The following TAF4 variants were observed in gnomAD, a reference collection of about 807,000 sequenced individuals.
The protein encoded by TAF4 is TATA-box binding protein associated factor 4.
Under a neutral mutation model 90.3 loss-of-function variants are expected in TAF4, and 9 were observed. The observed-to-expected ratio is 0.10, with a 90% confidence interval of 0.06 to 0.17. The LOEUF (loss-of-function observed/expected upper bound fraction) is 0.17, where lower values mean the gene tolerates loss of function less well. TAF4 is among the 10% of genes least tolerant of loss of function. TAF4 has a pLI of 1.00. For missense variants in TAF4, 1,351 were observed against 1,370.7 expected, an observed-to-expected ratio of 0.99 and a Z score of 0.23; for synonymous variants, 818 against 638.9, an observed-to-expected ratio of 1.28 and a Z score of -4.23.
chr20:62,001,461 G>A (rs6061948), intron 9 of TAF4, among the ~76,000 whole-genome samples: 1 of 152,226 alleles, frequency 6.6e-6, no homozygotes, highest in African/African-American at 2.4e-5. Flanking sequence ...CGGCCCCCTC[G>A]TGAGGAGATG....
chr20:61,988,417 A>C (rs1410919090), intron 14 of TAF4, among the ~76,000 whole-genome samples: 1 of 152,214 alleles, frequency 6.6e-6, no homozygotes, highest in Non-Finnish European at 1.5e-5. Flanking sequence ...AAATCAAATA[A>C]GGTCTTCAAT....
rs2123150928 is a variant in TAF4, at chr20:62,014,547, C to T, written c.1521G>A (p.Gln507=). The change falls in exon 2 of 15, where the codon CAG becomes CAA. Residue 507 remains glutamine (Q), a splice_region_variant and synonymous_variant. Coordinates refer to ENST00000252996, the MANE Select transcript of TAF4 (RefSeq NM_003185.4). ...CACTCCAGGGCACACGTGCACTCAC[C>T]TGTACGGTGGAGATCTGGACGGGAG... ...SAPPVQISTV[Q]APGTPIIARQ... The T allele has an allele frequency of 1.2e-6, 2 of 1,611,624 alleles. No individual in the cohort carries two copies. Among genetic ancestry groups the T allele is most frequent in the Non-Finnish European group, 1.7e-6 (2 of 1,179,134 alleles).
At position 62,065,714 on chromosome 20, in the gene TAF4, G is replaced by T; in HGVS notation, c.97C>A (p.Leu33Met). ...TGGTGGTGGGCCGCGCTGGCCGCCA[G>T]CTGCGACTCCAGCGAGCCCACCAGG... ...SDLVGSLESQ[L>M]AASAAHHHHL... is the part of the protein sequence containing the mutation. The change falls in exon 1 of 15, where the codon CTG (leucine) becomes ATG (methionine). Residue 33 changes from leucine (L) to methionine (M), a missense_variant. Around this residue, in one of 9 missense-constraint regions of TAF4, gnomAD observed 782 missense variants for 536.6 expected, o/e 1.46. Coordinates refer to ENST00000252996, the MANE Select transcript of TAF4 (RefSeq NM_003185.4). 1 of 1,290,654 alleles carries T rather than the reference G, an allele frequency of 7.7e-7. No individual in the cohort carries two copies. Among genetic ancestry groups the T allele is most frequent in the Non-Finnish European group, 1.0e-6 (1 of 999,970 alleles). 80.0% of individuals were successfully genotyped at this position (1,290,654 alleles called of 1,614,324 possible).
intron 1 of TAF4, among the ~76,000 whole-genome samples, chr20:62,016,622 T>C (rs1037521795): frequency 6.6e-6 from 1 of 152,222 alleles, no homozygotes; most frequent in Non-Finnish European, 1.5e-5. Context: ...TCCCTACTTT[T>C]GAGATCTGGG....
At chr20:62,032,763 G>T (rs905615334) in intron 1 of TAF4, among the ~76,000 whole-genome samples, 1 of 152,196 alleles carries the variant, frequency 6.6e-6, no homozygotes, top group African/African-American at 2.4e-5. Context: ...ACATTGGCAG[G>T]GAGACAGCAA....
chr20:62,042,219 A>C (rs1410976749), intron 1 of TAF4, among the ~76,000 whole-genome samples: 1 of 152,154 alleles, frequency 6.6e-6, no homozygotes, highest in African/African-American at 2.4e-5. Flanking sequence ...GGAGCGTCTG[A>C]ATGTCGAGAG....
At chr20:62,055,115 T>C (rs2056052950) in intron 1 of TAF4, among the ~76,000 whole-genome samples, 1 of 152,226 alleles carries the variant, frequency 6.6e-6, no homozygotes, top group African/African-American at 2.4e-5. Context: ...TTCCAGCCAC[T>C]GAGGCACTTG....
intron 9 of TAF4, 27 bp from the exon 10 acceptor site, chr20:62,000,748 T>A: frequency 6.2e-7 from 1 of 1,613,386 alleles, no homozygotes; most frequent in Non-Finnish European, 8.5e-7. Flanking sequence ...AAGATCACTT[T>A]AACTGTACAA....
chr20:62,025,766 GCTGT>G (rs1246860202), intron 1 of TAF4, among the ~76,000 whole-genome samples: 12 of 152,076 alleles, frequency 7.9e-5, no homozygotes, highest in Admixed American at 7.9e-4. Context: ...AGACTACTAC[GCTGT>G]CTGACTGCAT....
intron 1 of TAF4, among the ~76,000 whole-genome samples, chr20:62,027,764 T>C (rs1035873944): frequency 6.6e-6 from 1 of 152,240 alleles, no homozygotes; most frequent in African/African-American, 2.4e-5. Flanking sequence ...CAAGAGGTGT[T>C]TATGCAACAC....
chr20:62,025,402 G>A (rs1395663570), intron 1 of TAF4, among the ~76,000 whole-genome samples: 1 of 152,222 alleles, frequency 6.6e-6, no homozygotes, highest in Admixed American at 6.5e-5. Flanking sequence ...CCGAGTTGAA[G>A]CCAGAAAAGA....
At chr20:61,993,021 C>T (rs774841511) in intron 14 of TAF4, among the ~76,000 whole-genome samples, 4 of 152,198 alleles carry the variant, frequency 2.6e-5, no homozygotes, top group Non-Finnish European at 5.9e-5. Context: ...GATCCATTAT[C>T]TTCACCTGGA....
intron 14 of TAF4, among the ~76,000 whole-genome samples, chr20:61,996,628 G>A (rs1025501126): frequency 1.1e-4 from 16 of 151,448 alleles, no homozygotes; most frequent in African/African-American, 2.9e-4. Context: ...GTGAAACCCC[G>A]TCTCTCCTAA....
intron 5 of TAF4, chr20:62,008,768 AGAG>A (rs2055761980): frequency 6.9e-6 from 2 of 288,784 alleles, no homozygotes; most frequent in Non-Finnish European, 1.3e-5. Flanking sequence ...TGGGGCAGCC[AGAG>A]GAGAAGAGAG....
intron 1 of TAF4, among the ~76,000 whole-genome samples, chr20:62,034,870 G>A (rs182858916): frequency 1.5e-4 from 22 of 147,222 alleles, no homozygotes; most frequent in Non-Finnish European, 3.0e-4. Flanking sequence ...ACCCAGGCTG[G>A]AGTACAGTGG....
At chr20:61,999,205 T>C (rs1423148206) in intron 11 of TAF4, 97 bp from the exon 12 acceptor site, 18 of 1,475,892 alleles carry the variant, frequency 1.2e-5, no homozygotes, top group Non-Finnish European at 1.7e-5. Flanking sequence ...CACAACGCCC[T>C]CCCTCCGTCC....
At chr20:61,992,576 T>C (rs1420566526) in intron 14 of TAF4, among the ~76,000 whole-genome samples, 1 of 152,048 alleles carries the variant, frequency 6.6e-6, no homozygotes, top group Non-Finnish European at 1.5e-5. Flanking sequence ...CTACCTGAAT[T>C]GGAAATACCC....
chr20:62,006,729 G>C lies in TAF4; in HGVS notation c.2004C>G (p.Thr668=), dbSNP rs140158339. 4 of 1,549,310 alleles carry C rather than the reference G, an allele frequency of 2.6e-6. No individual in the cohort carries two copies. Among genetic ancestry groups the C allele is most frequent in the African/African-American group, 1.4e-5 (1 of 72,204 alleles). Residue 668 remains threonine (T), a synonymous_variant, in exon 7 of 15, where the codon ACC becomes ACG. Transcript: ENST00000252996. The surrounding 1 kb of genome is among the most constrained non-coding windows in gnomAD (Gnocchi z 7.0). ...KRSLPALRQL[T]PDSAAFIQQS... ...GCTGGATGAAGGCCGCGGAGTCGGG[G>C]GTCAGCTGTCTCAAGGCGGGTAAGC...
chr20:61,976,152 C>G lies in TAF4; in HGVS notation c.*16G>C. Reference sequence around the variant, plus strand: ...AATCTGCAAATATATAAAAAGTCCCCAGGCGTCCTCCTGTGTCACTTAAGG... The same window carrying G: ...AATCTGCAAATATATAAAAAGTCCCGAGGCGTCCTCCTGTGTCACTTAAGG... On this transcript the variant is annotated 3_prime_UTR_variant, in exon 15 of 15. Coordinates refer to ENST00000252996, the MANE Select transcript of TAF4 (RefSeq NM_003185.4). 2 of 1,612,238 alleles carry G rather than the reference C, an allele frequency of 1.2e-6. No homozygotes were observed. The highest frequency in any genetic ancestry group is 8.5e-7 in the Non-Finnish European group (1 of 1,178,464).
Sources: allele counts gnomAD v4.1 joint callset (sites outside exome capture counted in the v4.1 genomes callset), GRCh38; gene constraint gnomAD v4.1.1; regional missense constraint gnomAD v4.1.1; non-coding constraint Gnocchi (gnomAD v3.1); transcripts MANE v1.5; gene names NCBI Gene and HGNC (gene_info 2026-07-23, HGNC 2026-07-21).